KDM5A: variants seen among roughly 807,000 people sequenced by gnomAD.
KDM5A encodes lysine demethylase 5A.
KDM5A carries 42 observed loss-of-function variants against 193.5 expected under a neutral mutation model. The observed-to-expected ratio is 0.22, with a 90% CI of 0.17 to 0.28. The LOEUF is 0.28. Ranked by LOEUF, KDM5A falls within the 10% of genes least tolerant of loss-of-function variation. KDM5A has a pLI of 1.00. For missense variants in KDM5A, 1,692 were observed against 2,055.1 expected (o/e 0.82, Z 3.42); for synonymous variants, 796 against 718.1 (o/e 1.11, Z -1.73).
At chr12:332,427 A>C (rs1020305455) in intron 12 of KDM5A, among the ~76,000 whole-genome samples, 1 of 152,200 alleles carries the variant, frequency 6.6e-6, no homozygotes, top group African/African-American at 2.4e-5. Context: ...TCTCTTGAAA[A>C]GTCTCAGATT....
intron 10 of KDM5A, among the ~76,000 whole-genome samples, chr12:342,086 A>T (rs1327711811): frequency 6.6e-6 from 1 of 152,212 alleles, no homozygotes; most frequent in African/African-American, 2.4e-5. Flanking sequence ...TCTACAAGAG[A>T]CACACTTCAG....
rs1944699594 is a variant in KDM5A, at chr12:389,272, A to AGGCTTTTCCACTGAGGTTCAG, written c.-202_-182dup. On this transcript the variant is annotated 5_prime_UTR_variant, in exon 1 of 28. Transcript: ENST00000399788. The stretch of plus-strand genomic sequence containing the variant: ...CTCCCGTTTGTTATTGTTTCTTGCA[A>AGGCTTTTCCACTGAGGTTCAG]GGCTTTTCCACTGAGGTTCAGGACT... The AGGCTTTTCCACTGAGGTTCAG allele has an allele frequency of 5.5e-6, 4 of 730,240 alleles. No homozygotes were observed. The highest frequency in any genetic ancestry group is 1.7e-5 in the African/African-American group (1 of 57,992). The allele number at this position is 730,240 out of a possible 1,614,324, so 45.2% of individuals were successfully genotyped here. A position where few individuals can be genotyped will look rare whatever the true frequency, so the allele number is the denominator to read the frequency against.
In KDM5A at chr12:318,351, G is replaced by A; in HGVS notation, c.2652C>T (p.Leu884=). 6.2e-7 allele frequency: 1 copy of A among 1,614,168 alleles called. No homozygotes were observed. The highest frequency in any genetic ancestry group is 8.5e-7 in the Non-Finnish European group (1 of 1,180,008). ...GTGGTAATTCAGGGAGTTCCACATAGAGACTAGAGCCCATATCTATCAACA... is the reference window on the plus strand; with the variant it reads ...GTGGTAATTCAGGGAGTTCCACATAAAGACTAGAGCCCATATCTATCAACA... The part of the protein sequence containing the change: ...LQMLIDMGSS[L]YVELPELPRL... The change falls in exon 19 of 28, where the codon CTC becomes CTT. Residue 884 remains leucine, a synonymous_variant. Transcript: ENST00000399788.
chr12:299,564 G>A (rs1339730069), intron 24 of KDM5A, among the ~76,000 whole-genome samples: 2 of 152,062 alleles, frequency 1.3e-5, no homozygotes, highest in African/African-American at 4.8e-5. Flanking sequence ...ACATGGAAAG[G>A]AACAATCGGT....
At chr12:388,599 T>C in intron 1 of KDM5A, 1 of 415,980 alleles carries the variant, frequency 2.4e-6, no homozygotes, top group South Asian at 2.1e-5. Context: ...ATAATGAGGA[T>C]ACGTGAGGGA....
chr12:293,544 C>T (rs1326804528), intron 26 of KDM5A, among the ~76,000 whole-genome samples: 3 of 152,012 alleles, frequency 2.0e-5, no homozygotes, highest in African/African-American at 7.2e-5. Flanking sequence ...TCTGGGAGGC[C>T]GAGGCGGGTG....
intron 5 of KDM5A, 56 bp downstream of exon 5, chr12:362,907 A>G: frequency 6.5e-7 from 1 of 1,543,700 alleles, no homozygotes; most frequent in Non-Finnish European, 9.0e-7. Context: ...AGCCTGGGCA[A>G]CATCAGGAGA....
rs981667269 is a variant in KDM5A, at chr12:283,437, T to C, written c.*2019A>G. On this transcript the variant is annotated 3_prime_UTR_variant, in exon 28 of 28. Coordinates refer to ENST00000399788, the MANE Select transcript of KDM5A (RefSeq NM_001042603.3). ...ATGCACAGCAACACTAACAAACCTC[T>C]GAACAAGTCAAAACACTCAAAATGT... 1 of 232,808 alleles carries C rather than the reference T, an allele frequency of 4.3e-6. No homozygotes were observed. The highest frequency in any genetic ancestry group is 5.6e-5 in the Admixed American group (1 of 17,754). 14.4% of individuals were successfully genotyped at this position (232,808 alleles called of 1,614,324 possible).
chr12:327,592 C>T (rs1591915136), intron 14 of KDM5A, among the ~76,000 whole-genome samples: 1 of 152,044 alleles, frequency 6.6e-6, no homozygotes, highest in East Asian at 1.9e-4. Context: ...GCCTGTAATC[C>T]CAGCTACTTG....
intron 3 of KDM5A, among the ~76,000 whole-genome samples, chr12:382,931 C>CA (rs1293765927): frequency 4.0e-5 from 6 of 148,744 alleles, no homozygotes; most frequent in Admixed American, 6.7e-5. Context: ...AACTCCATCT[C>CA]AAAAAAAAGA....
intron 2 of KDM5A, among the ~76,000 whole-genome samples, chr12:385,633 A>G (rs1203791544): frequency 6.6e-6 from 1 of 152,210 alleles, no homozygotes; most frequent in Non-Finnish European, 1.5e-5. Flanking sequence ...TAGTAGAGTA[A>G]GAAACACTAG....
chr12:341,650 C>T (rs1944006613), intron 10 of KDM5A, among the ~76,000 whole-genome samples: 1 of 152,042 alleles, frequency 6.6e-6, no homozygotes, highest in Non-Finnish European at 1.5e-5. Flanking sequence ...ATCTCTAATC[C>T]CAGCACTTTG....
At chr12:320,481 G>A (rs1943704298) in intron 18 of KDM5A, among the ~76,000 whole-genome samples, 1 of 152,132 alleles carries the variant, frequency 6.6e-6, no homozygotes, top group Non-Finnish European at 1.5e-5. Flanking sequence ...GGGCGACAGA[G>A]CGAGACTCCC....
At chr12:317,063 T>C (rs1943658757) in intron 19 of KDM5A, among the ~76,000 whole-genome samples, 1 of 152,220 alleles carries the variant, frequency 6.6e-6, no homozygotes. Context: ...CCGTTAATTA[T>C]CAGCCAAATT....
intron 3 of KDM5A, among the ~76,000 whole-genome samples, chr12:367,196 A>G (rs1261611971): frequency 2.6e-5 from 4 of 152,224 alleles, no homozygotes; most frequent in African/African-American, 9.6e-5. Context: ...ACTGTGACAC[A>G]GTGTTCAAAC....
chr12:302,880 A>C (rs550429222), intron 24 of KDM5A, among the ~76,000 whole-genome samples: 1 of 152,270 alleles, frequency 6.6e-6, no homozygotes, highest in Non-Finnish European at 1.5e-5. Flanking sequence ...ACTTCTCAAA[A>C]GAAGACATTT....
At chr12:381,135 C>CAAT (rs1944568238) in intron 3 of KDM5A, among the ~76,000 whole-genome samples, 1 of 152,166 alleles carries the variant, frequency 6.6e-6, no homozygotes, top group Non-Finnish European at 1.5e-5. Flanking sequence ...GCTGAGATTA[C>CAAT]AGGCATGTGC....
chr12:347,921 AT>A (rs1253377036), intron 10 of KDM5A, among the ~76,000 whole-genome samples: 2 of 152,214 alleles, frequency 1.3e-5, no homozygotes, highest in African/African-American at 4.8e-5. Flanking sequence ...ATGGGATCTA[AT>A]TAAACTGAAG....
chr12:368,066 A>G (rs1944379827), intron 3 of KDM5A, among the ~76,000 whole-genome samples: 1 of 152,230 alleles, frequency 6.6e-6, no homozygotes. Flanking sequence ...GAAATGTAGT[A>G]TAATAAAATA....
Sources: allele counts gnomAD v4.1 joint callset (sites outside exome capture counted in the v4.1 genomes callset), GRCh38; gene constraint gnomAD v4.1.1; transcripts MANE v1.5; gene names NCBI Gene and HGNC (gene_info 2026-07-23, HGNC 2026-07-21).